HEPACAM2: variants seen among roughly 807,000 people sequenced by gnomAD.
The protein encoded by HEPACAM2 is mitotic kinetics regulator.
Under a neutral mutation model 49.6 loss-of-function variants are expected in HEPACAM2, and 49 were observed. That is an observed-to-expected ratio of 0.99 (90% CI 0.78 to 1.25). The LOEUF is 1.25. Among genes scored for constraint, HEPACAM2 ranks in the 50% most tolerant of loss-of-function variants. The probability of loss-of-function intolerance (pLI) is 0.00; values close to 1 mark genes in which losing one functional copy is unlikely to be tolerated. For missense variants in HEPACAM2, 525 were observed against 557.2 expected, an observed-to-expected ratio of 0.94 and a Z score of 0.58; for synonymous variants, 197 against 202.9, an observed-to-expected ratio of 0.97 and a Z score of 0.25.
chr7:93,204,092 C>T (rs555175635), intron 4 of HEPACAM2, among the ~76,000 whole-genome samples: 2 of 152,244 alleles, frequency 1.3e-5, no homozygotes, highest in Non-Finnish European at 2.9e-5. Context: ...AATTCATTTT[C>T]CTGCCTTGAG....
Position 93,197,601 on chromosome 7 carries a change from T to C in HEPACAM2, c.1022A>G (p.Lys341Arg). Residue 341 changes from lysine to arginine, a missense_variant, in exon 5 of 10, where the codon AAG becomes AGG. Coordinates refer to ENST00000394468, the MANE Select transcript of HEPACAM2 (RefSeq NM_001039372.4). ...TVIITSVGLE[K>R]LAQKGKSLSP... ...CAATGATTTTCCTTTCTGTGCAAGC[T>C]TCTCCAGTCCTAAATAAAAAGATAA... 5.7e-6 allele frequency: 9 copies of C among 1,585,068 alleles called. No individual in the cohort carries two copies. Among genetic ancestry groups the C allele is most frequent in the Non-Finnish European group, 7.7e-6 (9 of 1,166,724 alleles).
rs1231784151 is a variant in HEPACAM2, at chr7:93,225,616, C to A, written c.79+752G>T. ...TAAACAAAACAAGAAATTGATTTGACTTTTAAAACTGATAAATAGGAAGAA... is the reference window on the plus strand; with the variant it reads ...TAAACAAAACAAGAAATTGATTTGAATTTTAAAACTGATAAATAGGAAGAA... On this transcript the variant is annotated intron_variant, in intron 1 of 9. Transcript: ENST00000394468. Among the ~76,000 whole-genome samples, 4 of 152,014 alleles carry A rather than the reference C, an allele frequency of 2.6e-5. No individual in the cohort carries two copies. The South Asian group carries it at 8.3e-4, about 31-fold the overall frequency.
chr7:93,216,567 A>G (rs1157902302), intron 2 of HEPACAM2, among the ~76,000 whole-genome samples: 1 of 152,232 alleles, frequency 6.6e-6, no homozygotes, highest in East Asian at 1.9e-4. Context: ...GTAGAATTAT[A>G]TAAGAATCCG....
chr7:93,192,507 C>T (rs1414206726), intron 8 of HEPACAM2, 144 bp from the exon 9 acceptor site: 2 of 641,132 alleles, frequency 3.1e-6, no homozygotes, highest in African/African-American at 1.8e-5. Context: ...TGACTTCCTC[C>T]TTGCTACACT....
chr7:93,206,504 A>C (rs751325021), intron 4 of HEPACAM2, among the ~76,000 whole-genome samples: 29 of 152,110 alleles, frequency 1.9e-4, no homozygotes, highest in Non-Finnish European at 3.5e-4. Context: ...TTTTGGGTCT[A>C]CAAGAAATAT....
intron 8 of HEPACAM2, among the ~76,000 whole-genome samples, chr7:93,194,945 C>T: frequency 1.2e-5 from 1 of 84,468 alleles, no homozygotes; most frequent in Non-Finnish European, 2.0e-5. Context: ...TTTTTCCGGA[C>T]TGAAATGACT....
chr7:93,215,344 A>T, intron 3 of HEPACAM2, 57 bp downstream of exon 3: 1 of 1,470,724 alleles, frequency 6.8e-7, no homozygotes, highest in East Asian at 2.3e-5. Flanking sequence ...CTATCCTGGG[A>T]GATATTCTCA....
intron 3 of HEPACAM2, among the ~76,000 whole-genome samples, chr7:93,214,789 G>A (rs916888032): frequency 6.6e-6 from 1 of 152,034 alleles, no homozygotes; most frequent in South Asian, 2.1e-4. Context: ...TTTTCATTTT[G>A]CCAGATTAAT....
At chr7:93,223,929 C>T (rs1037051465) in intron 1 of HEPACAM2, among the ~76,000 whole-genome samples, 5 of 152,134 alleles carry the variant, frequency 3.3e-5, no homozygotes, top group South Asian at 2.1e-4. Context: ...AACACATACT[C>T]TCTTATCATT....
At position 93,215,701 on chromosome 7, in the gene HEPACAM2, A is replaced by T. The variant is rs770779625; in HGVS notation, c.431-16T>A. 2.5e-6 allele frequency: 4 copies of T among 1,600,312 alleles called. No individual in the cohort carries two copies. In the Admixed American group the frequency reaches 5.1e-5, roughly 20 times the overall value. Reference sequence around the variant, plus strand: ...GTGACAGGATCTGCAATATTAAGAGAGATATGAATGATTTTTTCTTTTCAT... The same window carrying T: ...GTGACAGGATCTGCAATATTAAGAGTGATATGAATGATTTTTTCTTTTCAT... On this transcript the variant is annotated splice_polypyrimidine_tract_variant and intron_variant, in intron 2 of 9. Coordinates refer to ENST00000394468, the MANE Select transcript of HEPACAM2 (RefSeq NM_001039372.4).
intron 8 of HEPACAM2, among the ~76,000 whole-genome samples, chr7:93,192,789 C>G (rs1015759165): frequency 1.4e-4 from 22 of 151,944 alleles, no homozygotes; most frequent in Non-Finnish European, 2.5e-4. Context: ...AAGAAAAGAA[C>G]AATATACAGC....
intron 9 of HEPACAM2, 22 bp downstream of exon 9, chr7:93,192,232 T>A (rs1793568164): frequency 6.4e-7 from 1 of 1,552,890 alleles, no homozygotes; most frequent in Non-Finnish European, 8.9e-7. Context: ...CATAGCACCA[T>A]CAAATGCAGA....
chr7:93,218,622 A>G (rs1368608957), intron 2 of HEPACAM2, among the ~76,000 whole-genome samples: 1 of 152,148 alleles, frequency 6.6e-6, no homozygotes, highest in Non-Finnish European at 1.5e-5. Context: ...AGTGTCTGAA[A>G]GTTAGCTGAC....
At chr7:93,231,203 C>T (rs1045284808), upstream of HEPACAM2, among the ~76,000 whole-genome samples, 6 of 152,064 alleles carry the variant, frequency 3.9e-5, no homozygotes, top group Admixed American at 2.0e-4. Flanking sequence ...TTTTTTATTA[C>T]GTTGACACAC....
At chr7:93,190,856 C>T (rs1195591290) in intron 9 of HEPACAM2, among the ~76,000 whole-genome samples, 1 of 151,802 alleles carries the variant, frequency 6.6e-6, no homozygotes, top group African/African-American at 2.4e-5. Flanking sequence ...GCCATATTCA[C>T]AATTTTGACT....
intron 3 of HEPACAM2, among the ~76,000 whole-genome samples, chr7:93,213,544 A>T (rs1428718336): frequency 2.0e-5 from 3 of 152,124 alleles, no homozygotes; most frequent in Admixed American, 6.6e-5. Context: ...TTTTTACAGC[A>T]TCGTCAAGTA....
chr7:93,220,781 C>T (rs1794433451), intron 1 of HEPACAM2, among the ~76,000 whole-genome samples: 1 of 152,140 alleles, frequency 6.6e-6, no homozygotes, highest in African/African-American at 2.4e-5. Context: ...CCCGTCTTAC[C>T]TTAAGCCATG....
intron 1 of HEPACAM2, among the ~76,000 whole-genome samples, chr7:93,221,917 G>GT (rs1285419615): frequency 5.9e-5 from 9 of 152,134 alleles, no homozygotes; most frequent in African/African-American, 2.2e-4. Flanking sequence ...TCTGCCAAGT[G>GT]TAAGACTATT....
chr7:93,191,382 C>G (rs1227773422), intron 9 of HEPACAM2, among the ~76,000 whole-genome samples: 1 of 152,048 alleles, frequency 6.6e-6, no homozygotes, highest in African/African-American at 2.4e-5. Context: ...GATGATTTTT[C>G]CTGGATTTGT....
Sources: gnomAD v4.1 joint callset for allele counts (sites outside exome capture counted in the v4.1 genomes callset) on GRCh38, gnomAD v4.1.1 for gene constraint, MANE v1.5 for transcripts, NCBI Gene and HGNC (gene_info 2026-07-23, HGNC 2026-07-21) for gene names.